Variants in LAMP5 observed in about 807,000 individuals in gnomAD.
LAMP5 encodes lysosome-associated membrane glycoprotein 5.
Under a neutral mutation model 30.2 loss-of-function variants are expected in LAMP5, and 36 were observed. That is an observed-to-expected ratio of 1.19 (90% CI 0.91 to 1.57). LAMP5 has a LOEUF of 1.57. LAMP5 is among the 40% of genes most tolerant of loss of function. LAMP5 has a pLI of 0.00. For missense variants in LAMP5, 377 were observed against 354.9 expected, an observed-to-expected ratio of 1.06 and a Z score of -0.50; for synonymous variants, 149 against 134.6, an observed-to-expected ratio of 1.11 and a Z score of -0.74.
intron 2 of LAMP5, 33 bp from the exon 3 acceptor site, chr20:9,515,967 A>G: frequency 6.8e-7 from 1 of 1,476,040 alleles, no homozygotes; most frequent in Non-Finnish European, 9.0e-7. Flanking sequence ...GGGCCGGGCG[A>G]GCTGAGGGGG....
chr20:9,524,609 A>C lies in LAMP5; in HGVS notation c.665-5033A>C, dbSNP rs908385950. Reference sequence around the variant, plus strand: ...CCAGATCGAACTAAAAAAAAAAAAAAAAAAAAACAAACAAAAAAAACCTTG... The same window carrying C: ...CCAGATCGAACTAAAAAAAAAAAAACAAAAAAACAAACAAAAAAAACCTTG... On this transcript the variant is annotated intron_variant, in intron 5 of 5. Coordinates refer to ENST00000246070, the MANE Select transcript of LAMP5 (RefSeq NM_012261.4). 5.3e-5 allele frequency among the ~76,000 whole-genome samples: 8 copies of C among 149,970 alleles called. No individual in the cohort carries two copies. The South Asian group carries it at 1.3e-3, about 24-fold the overall frequency.
rs1603165445 is a variant in LAMP5, at chr20:9,514,618, A to C, written c.-235A>C. On this transcript the variant is annotated 5_prime_UTR_variant, in exon 1 of 6. Transcript: ENST00000246070. ...TTGCTTTCAGCACTCGCAGCCGTGGACCGCCGTGCGGTCCTTTCCTCCGCA... is the reference window on the plus strand; with the variant it reads ...TTGCTTTCAGCACTCGCAGCCGTGGCCCGCCGTGCGGTCCTTTCCTCCGCA... The C allele has an allele frequency of 3.1e-4, 112 of 363,224 alleles. No individual in the cohort carries two copies. Among genetic ancestry groups the C allele is most frequent in the East Asian group, 8.3e-4 (14 of 16,884 alleles). The allele number at this position is 363,224 out of a possible 1,614,324, so 22.5% of individuals were successfully genotyped here.
intron 4 of LAMP5, among the ~76,000 whole-genome samples, 190 bp downstream of exon 4, chr20:9,516,551 A>G (rs2045041887): frequency 6.6e-6 from 1 of 151,982 alleles, no homozygotes; most frequent in Admixed American, 6.6e-5. Flanking sequence ...GGCCTTGTAG[A>G]TCCGCCAGGA....
At chr20:9,520,364 C>T (rs551252948) in intron 5 of LAMP5, among the ~76,000 whole-genome samples, 14 of 152,254 alleles carry the variant, frequency 9.2e-5, no homozygotes, top group South Asian at 4.1e-4. Flanking sequence ...GCACCTGCCC[C>T]GACTTTGTTT....
At chr20:9,520,920 A>G (rs146890588) in intron 5 of LAMP5, among the ~76,000 whole-genome samples, 8 of 151,884 alleles carry the variant, frequency 5.3e-5, no homozygotes, top group African/African-American at 1.5e-4. Context: ...TTCAGCTTCA[A>G]TGTGCAATGA....
chr20:9,514,718 A>T lies in LAMP5; in HGVS notation c.-135A>T. 1 of 712,460 alleles carries T rather than the reference A, an allele frequency of 1.4e-6. No homozygotes were observed. Among genetic ancestry groups the T allele is most frequent in the Non-Finnish European group, 2.4e-6 (1 of 422,894 alleles). 44.1% of individuals were successfully genotyped at this position (712,460 alleles called of 1,614,324 possible). On this transcript the variant is annotated 5_prime_UTR_variant, in exon 1 of 6. Coordinates refer to ENST00000246070, the MANE Select transcript of LAMP5 (RefSeq NM_012261.4). The stretch of plus-strand genomic sequence containing the variant: ...AGTCCTAGCTAGGCGCTCACAGAAT[A>T]CGCGCTCCCTCCCTCCCCCTTCTCT...
intron 5 of LAMP5, among the ~76,000 whole-genome samples, chr20:9,524,595 TAAAAA>T (rs748114210): frequency 1.2e-5 from 1 of 82,222 alleles, no homozygotes; most frequent in African/African-American, 4.1e-5. Context: ...CAGATCGAAC[TAAAAA>T]AAAAAAAAAA....
intron 5 of LAMP5, among the ~76,000 whole-genome samples, chr20:9,524,594 C>G (rs1306899674): frequency 2.8e-5 from 1 of 36,114 alleles, no homozygotes. Context: ...CCAGATCGAA[C>G]TAAAAAAAAA....
At chr20:9,516,425 G>C (rs1214910289) in intron 4 of LAMP5, 64 bp downstream of exon 4, 1 of 1,346,656 alleles carries the variant, frequency 7.4e-7, no homozygotes, top group Non-Finnish European at 1.1e-6. Context: ...CTTGGAGAGA[G>C]AATTCCTCAA....
chr20:9,526,886 A>ATG (rs1568945716), intron 5 of LAMP5, among the ~76,000 whole-genome samples: 2 of 140,530 alleles, frequency 1.4e-5, no homozygotes, highest in Non-Finnish European at 3.1e-5. Flanking sequence ...ATATATATAT[A>ATG]TATATATATA....
chr20:9,520,578 CGT>C (rs34089408), intron 5 of LAMP5, among the ~76,000 whole-genome samples: 5,222 of 143,812 alleles, frequency 0.036, 205 homozygotes, highest in African/African-American at 0.11. Context: ...TCCGTGTGTT[CGT>C]GTGTGTGTGT....
At chr20:9,522,705 G>T (rs374475322) in intron 5 of LAMP5, among the ~76,000 whole-genome samples, 12 of 152,152 alleles carry the variant, frequency 7.9e-5, no homozygotes, top group Non-Finnish European at 1.5e-4. Context: ...ACTGATGGTC[G>T]CTGTGGAAGC....
At chr20:9,514,982 GTA>G in intron 1 of LAMP5, 66 bp downstream of exon 1, 1 of 1,430,112 alleles carries the variant, frequency 7.0e-7, no homozygotes, top group Non-Finnish European at 9.9e-7. Flanking sequence ...AGCCGGCAAA[GTA>G]AAGTCAATTA....
At chr20:9,527,942 T>C (rs1344668424) in intron 5 of LAMP5, among the ~76,000 whole-genome samples, 1 of 151,450 alleles carries the variant, frequency 6.6e-6, no homozygotes, top group African/African-American at 2.4e-5. Context: ...TTGTAAAAAT[T>C]CATCAAGCTC....
chr20:9,527,436 A>G (rs2045121857), intron 5 of LAMP5, among the ~76,000 whole-genome samples: 1 of 146,466 alleles, frequency 6.8e-6, no homozygotes, highest in Non-Finnish European at 1.5e-5. Context: ...GTATATGTGA[A>G]AGTAAGTCTC....
intron 5 of LAMP5, among the ~76,000 whole-genome samples, chr20:9,520,275 T>C (rs528173605): frequency 6.6e-6 from 1 of 152,360 alleles, no homozygotes; most frequent in Non-Finnish European, 1.5e-5. Flanking sequence ...CAAGCCTCAT[T>C]CAGAATCACT....
intron 5 of LAMP5, among the ~76,000 whole-genome samples, chr20:9,519,586 T>G (rs986923727): frequency 2.0e-5 from 3 of 152,236 alleles, no homozygotes; most frequent in Non-Finnish European, 2.9e-5. Context: ...TATGGAAGCA[T>G]TTACAAAATG....
At chr20:9,524,750 C>CATATTAAT (rs1423637007) in intron 5 of LAMP5, among the ~76,000 whole-genome samples, 2 of 152,134 alleles carry the variant, frequency 1.3e-5, no homozygotes, top group African/African-American at 4.8e-5. Flanking sequence ...TGCAATCAAA[C>CATATTAAT]ATATTAATAT....
In LAMP5 at chr20:9,528,972, A is replaced by C. The variant is rs144412651; in HGVS notation, c.665-670A>C. 2.7e-3 allele frequency among the ~76,000 whole-genome samples: 408 copies of C among 152,346 alleles called. 4 individuals carry two copies. Among genetic ancestry groups the C allele is most frequent in the African/African-American group, 8.8e-3 (366 of 41,574 alleles). On this transcript the variant is annotated intron_variant, in intron 5 of 5. Coordinates refer to ENST00000246070, the MANE Select transcript of LAMP5 (RefSeq NM_012261.4). ...CTGACTACTGTTCCATTATATGAAC[A>C]TATGCCACAATTTATCCATTCCATT...
Sources: gnomAD v4.1 joint callset for allele counts (sites outside exome capture counted in the v4.1 genomes callset) on GRCh38, gnomAD v4.1.1 for gene constraint, MANE v1.5 for transcripts, NCBI Gene and HGNC (gene_info 2026-07-23, HGNC 2026-07-21) for gene names.